Variants in ZFP91 observed in about 807,000 individuals in gnomAD.
The protein encoded by ZFP91 is E3 ubiquitin-protein ligase ZFP91.
ZFP91 carries 7 observed loss-of-function variants against 63.5 expected under a neutral mutation model. The observed-to-expected ratio is 0.11, with a 90% CI of 0.06 to 0.21. The LOEUF (loss-of-function observed/expected upper bound fraction) is 0.21. Ranked by LOEUF, ZFP91 falls within the 10% of genes least tolerant of loss-of-function variation. The probability of loss-of-function intolerance (pLI) is 1.00; values close to 1 mark genes in which losing one functional copy is unlikely to be tolerated. For synonymous variants in ZFP91, 330 were observed against 272.1 expected, an observed-to-expected ratio of 1.21 and a Z score of -2.10; for missense variants, 628 against 736.6, an observed-to-expected ratio of 0.85 and a Z score of 1.71.
rs764490275 is a variant in ZFP91 at position 58,617,458 on chromosome 11, G to A, written c.1465G>A (p.Gly489Ser). ...AGAGTCCCTGACGCAGCCTTCAGAT[G>A]GTCAGGGTCTTCCTCTTCTTCCTGA... is the stretch of plus-strand genomic sequence containing the variant. ...NPESLTQPSD[G>S]QGLPLLPEPL... Residue 489 changes from glycine (G) to serine (S), a missense_variant, in exon 11 of 11, where the codon GGT (glycine) becomes AGT (serine). Gly to Ser is a moderately conservative substitution (Grantham distance 56, BLOSUM62 0). Transcript: ENST00000316059. This position sits in a 1 kb window ranked among gnomAD's most constrained non-coding sequence, Gnocchi z 4.2. The A allele has an allele frequency of 6.2e-7, 1 of 1,614,112 alleles. No homozygotes were observed. The highest frequency in any genetic ancestry group is 1.1e-5 in the South Asian group (1 of 91,076).
In ZFP91 at chr11:58,612,139, T is replaced by C. The variant is rs1855675152; in HGVS notation, c.858-139T>C. 7 of 818,928 alleles carry C rather than the reference T, an allele frequency of 8.5e-6. No homozygotes were observed. The East Asian group carries it at 1.3e-4, about 16-fold the overall frequency. The allele number at this position is 818,928 out of a possible 1,614,324, so 50.7% of individuals were successfully genotyped here. A position where few individuals can be genotyped will look rare whatever the true frequency, so the allele number is the denominator to read the frequency against. ...AATTACTTGCTTGATTTGCCAGATA[T>C]ATCTTTGACTTTATGTATTCTTGGT... On this transcript the variant is annotated intron_variant, in intron 6 of 10. Transcript: ENST00000316059.
intron 2 of ZFP91, among the ~76,000 whole-genome samples, chr11:58,589,831 A>T (rs1855274593): frequency 1.3e-5 from 2 of 152,194 alleles, no homozygotes; most frequent in Admixed American, 6.5e-5. Context: ...AATTTCCTAC[A>T]AATAAAGATA....
At chr11:58,590,295 T>A (rs1176654184) in intron 2 of ZFP91, among the ~76,000 whole-genome samples, 1 of 152,236 alleles carries the variant, frequency 6.6e-6, no homozygotes, top group East Asian at 1.9e-4. Flanking sequence ...CCAGCCTGAA[T>A]AATCTAATGC....
At chr11:58,599,341 A>G (rs889073150) in intron 2 of ZFP91, among the ~76,000 whole-genome samples, 1 of 152,018 alleles carries the variant, frequency 6.6e-6, no homozygotes, top group Admixed American at 6.6e-5. Flanking sequence ...GAATTGCTGG[A>G]TCATATGGTA....
At chr11:58,614,174 C>T in intron 8 of ZFP91, 55 bp from the exon 9 acceptor site, 2 of 1,197,642 alleles carry the variant, frequency 1.7e-6, no homozygotes, top group Non-Finnish European at 2.4e-6. Context: ...AAGACAAGTA[C>T]TTTCAGGAAG....
intron 2 of ZFP91, among the ~76,000 whole-genome samples, chr11:58,587,233 G>A (rs977390708): frequency 1.3e-5 from 2 of 152,130 alleles, no homozygotes; most frequent in African/African-American, 4.8e-5. Context: ...AAGCTACTAT[G>A]CTAAAATAGT....
intron 1 of ZFP91, among the ~76,000 whole-genome samples, chr11:58,580,421 T>C (rs867874613): frequency 1.3e-5 from 2 of 152,226 alleles, no homozygotes; most frequent in African/African-American, 2.4e-5. Flanking sequence ...ATAATACTCA[T>C]GTTAAGAATA....
intron 2 of ZFP91, among the ~76,000 whole-genome samples, chr11:58,588,730 GT>G (rs1373586389): frequency 1.9e-4 from 28 of 151,342 alleles, no homozygotes; most frequent in Non-Finnish European, 4.1e-4. Context: ...TTTTTTGTTG[GT>G]TTTTCTTTCT....
chr11:58,612,466 T>G (rs1855681203), intron 7 of ZFP91, 138 bp downstream of exon 7: 3 of 751,880 alleles, frequency 4.0e-6, no homozygotes, highest in South Asian at 3.8e-5. Context: ...ATGTCCTAGA[T>G]GCACAGGTGT....
chr11:58,585,395 A>G (rs1283298008), intron 2 of ZFP91, among the ~76,000 whole-genome samples: 2 of 152,176 alleles, frequency 1.3e-5, no homozygotes, highest in African/African-American at 4.8e-5. Flanking sequence ...CACTTTTTCA[A>G]TAACTTTTAA....
chr11:58,582,745 G>A (rs949093507), intron 1 of ZFP91, among the ~76,000 whole-genome samples: 3 of 152,078 alleles, frequency 2.0e-5, no homozygotes, highest in East Asian at 1.9e-4. Flanking sequence ...ATGAATTTGC[G>A]AGATGACATA....
intron 9 of ZFP91, among the ~76,000 whole-genome samples, chr11:58,616,267 T>G (rs1855746487): frequency 6.6e-6 from 1 of 152,204 alleles, no homozygotes. Context: ...TTCTATACAG[T>G]GCCAAGTTCT....
intron 2 of ZFP91, among the ~76,000 whole-genome samples, chr11:58,601,865 C>T (rs975615843): frequency 1.2e-4 from 19 of 152,110 alleles, no homozygotes; most frequent in African/African-American, 4.1e-4. Context: ...TCAGAGAGAA[C>T]GTACTTTATA....
At chr11:58,597,716 C>T (rs1330300891) in intron 2 of ZFP91, among the ~76,000 whole-genome samples, 1 of 152,176 alleles carries the variant, frequency 6.6e-6, no homozygotes, top group Non-Finnish European at 1.5e-5. Flanking sequence ...GCACCTGCTA[C>T]TGTAGGTGCA....
At chr11:58,599,967 G>C (rs1855466467) in intron 2 of ZFP91, among the ~76,000 whole-genome samples, 3 of 151,996 alleles carry the variant, frequency 2.0e-5, no homozygotes, top group Admixed American at 6.6e-5. Flanking sequence ...AATGGTCTTA[G>C]CCACCTTCTT....
chr11:58,607,441 G>GTA (rs1404896910), intron 2 of ZFP91, among the ~76,000 whole-genome samples: 1 of 151,988 alleles, frequency 6.6e-6, no homozygotes, highest in Non-Finnish European at 1.5e-5. Context: ...GGCCTTTGAG[G>GTA]TATTTTCACC....
At chr11:58,584,221 T>C (rs1046114944) in intron 1 of ZFP91, among the ~76,000 whole-genome samples, 2 of 152,124 alleles carry the variant, frequency 1.3e-5, no homozygotes, top group African/African-American at 4.8e-5. Context: ...TATTGTCTTT[T>C]TACAAGTAGA....
At chr11:58,600,419 C>G (rs1200479758) in intron 2 of ZFP91, among the ~76,000 whole-genome samples, 3 of 151,854 alleles carry the variant, frequency 2.0e-5, no homozygotes, top group Admixed American at 2.0e-4. Context: ...TATTCTGGCA[C>G]TTTGAATAAA....
chr11:58,594,100 C>A (rs1855355088), intron 2 of ZFP91, among the ~76,000 whole-genome samples: 1 of 152,166 alleles, frequency 6.6e-6, no homozygotes, highest in African/African-American at 2.4e-5. Flanking sequence ...CAAATCTGAT[C>A]ATGTCACCGT....
Sources: allele counts gnomAD v4.1 joint callset (sites outside exome capture counted in the v4.1 genomes callset), GRCh38; gene constraint gnomAD v4.1.1; non-coding constraint Gnocchi (gnomAD v3.1); transcripts MANE v1.5; gene names NCBI Gene and HGNC (gene_info 2026-07-23, HGNC 2026-07-21).